The following WDPCP variants were observed in gnomAD, a reference collection of about 807,000 sequenced individuals.
The protein encoded by WDPCP is WD repeat-containing and planar cell polarity effector protein fritz homolog.
Under a neutral mutation model 93.1 loss-of-function variants are expected in WDPCP, and 71 were observed. That is an observed-to-expected ratio of 0.76 (90% confidence interval 0.63 to 0.93). WDPCP has a LOEUF of 0.93. WDPCP is among the 40% of genes least tolerant of loss of function. WDPCP has a pLI of 0.00. For missense variants in WDPCP, 844 were observed against 887.4 expected (o/e 0.95, Z 0.62); for synonymous variants, 315 against 315.0 (o/e 1.00, Z 0.00).
At chr2:63,693,012 T>C (rs763821604) in intron 2 of WDPCP, among the ~76,000 whole-genome samples, 10 of 152,218 alleles carry the variant, frequency 6.6e-5, no homozygotes, top group Non-Finnish European at 1.3e-4. Flanking sequence ...GTAGATACCA[T>C]TATTATCCCC....
chr2:63,588,112 A>G, intron 1 of WDPCP, 85 bp downstream of exon 1: 2 of 1,489,214 alleles, frequency 1.3e-6, no homozygotes, highest in East Asian at 4.9e-5. Flanking sequence ...CGCACAGCGG[A>G]TAAAAGCAAA....
intron 14 of WDPCP, among the ~76,000 whole-genome samples, chr2:63,224,954 G>C (rs764276547): frequency 6.6e-5 from 10 of 151,742 alleles, no homozygotes; most frequent in Non-Finnish European, 1.2e-4. Context: ...CATTCTAGAA[G>C]GGGATGTTGT....
chr2:63,235,192 A>T (rs189001435), intron 14 of WDPCP, among the ~76,000 whole-genome samples: 1 of 152,270 alleles, frequency 6.6e-6, no homozygotes, highest in East Asian at 1.9e-4. Context: ...TATACAAAAG[A>T]TCCTCAGAAA....
intron 12 of WDPCP, among the ~76,000 whole-genome samples, chr2:63,319,424 A>G (rs1686919540): frequency 6.6e-6 from 1 of 152,242 alleles, no homozygotes; most frequent in Non-Finnish European, 1.5e-5. Context: ...TGATCAGACT[A>G]CCATCACTGT....
chr2:63,507,729 G>A (rs528325449), intron 1 of WDPCP, among the ~76,000 whole-genome samples: 1 of 152,038 alleles, frequency 6.6e-6, no homozygotes, highest in Non-Finnish European at 1.5e-5. Context: ...CCAGTTTAGA[G>A]AAGAACATAA....
At chr2:63,565,039 G>A (rs572936691) in intron 1 of WDPCP, among the ~76,000 whole-genome samples, 10 of 152,276 alleles carry the variant, frequency 6.6e-5, no homozygotes, top group Non-Finnish European at 1.2e-4. Context: ...GCCTCCAAAG[G>A]TGCTGGGATT....
chr2:63,214,484 G>A (rs999184245), intron 14 of WDPCP, among the ~76,000 whole-genome samples: 41 of 152,188 alleles, frequency 2.7e-4, no homozygotes, highest in African/African-American at 7.9e-4. Flanking sequence ...AAAATAATAA[G>A]AGCTATTTAT....
At chr2:63,729,470 G>A (rs1244664014) in intron 2 of WDPCP, among the ~76,000 whole-genome samples, 3 of 152,080 alleles carry the variant, frequency 2.0e-5, no homozygotes, top group African/African-American at 7.2e-5. Flanking sequence ...GAAACACATA[G>A]CCCCAGTTAG....
At chr2:63,233,740 G>A (rs1679134236) in intron 14 of WDPCP, among the ~76,000 whole-genome samples, 1 of 152,042 alleles carries the variant, frequency 6.6e-6, no homozygotes, top group Non-Finnish European at 1.5e-5. Context: ...GAATGCACTG[G>A]TTCTGGTCCA....
chr2:63,332,382 C>T (rs1263073370), intron 12 of WDPCP, among the ~76,000 whole-genome samples: 1 of 152,118 alleles, frequency 6.6e-6, no homozygotes, highest in East Asian at 1.9e-4. Flanking sequence ...AGTATATCCA[C>T]ATCCTCCCCA....
At chr2:63,364,548 A>G (rs1690742910) in intron 12 of WDPCP, among the ~76,000 whole-genome samples, 1 of 152,010 alleles carries the variant, frequency 6.6e-6, no homozygotes, top group Non-Finnish European at 1.5e-5. Context: ...CACCTGTCCT[A>G]CCTCTTCCCC....
intron 1 of WDPCP, among the ~76,000 whole-genome samples, chr2:63,522,068 T>C (rs1213632589): frequency 1.3e-5 from 2 of 152,128 alleles, no homozygotes; most frequent in South Asian, 2.1e-4. Context: ...AGTTTTGGGA[T>C]ACATGTATAG....
chr2:63,329,644 A>C (rs909622510), intron 12 of WDPCP, among the ~76,000 whole-genome samples: 3 of 152,108 alleles, frequency 2.0e-5, no homozygotes, highest in African/African-American at 7.2e-5. Flanking sequence ...CCTTCCCCCA[A>C]AGGTCTTTTC....
intron 3 of WDPCP, among the ~76,000 whole-genome samples, chr2:63,602,800 G>C (rs939920100): frequency 5.3e-5 from 8 of 152,050 alleles, no homozygotes; most frequent in Non-Finnish European, 1.2e-4. Context: ...TTTTGAGACT[G>C]GCTCTTTTTC....
At chr2:63,768,307 A>T (rs1012601473) in intron 2 of WDPCP, among the ~76,000 whole-genome samples, 1 of 149,886 alleles carries the variant, frequency 6.7e-6, no homozygotes, top group African/African-American at 2.4e-5. Context: ...ACTATCTTTA[A>T]GTCAGACAGT....
intron 13 of WDPCP, among the ~76,000 whole-genome samples, chr2:63,279,535 C>T (rs1294552438): frequency 6.6e-6 from 1 of 152,068 alleles, no homozygotes; most frequent in Non-Finnish European, 1.5e-5. Flanking sequence ...AAGCATTCCC[C>T]CTGAGAACTG....
At chr2:63,236,081 C>T (rs979169899) in intron 14 of WDPCP, among the ~76,000 whole-genome samples, 4 of 152,128 alleles carry the variant, frequency 2.6e-5, no homozygotes, top group African/African-American at 9.7e-5. Context: ...ATGTAGAAAA[C>T]CCTAAGTACT....
intron 12 of WDPCP, among the ~76,000 whole-genome samples, chr2:63,370,185 C>A (rs1454630155): frequency 6.6e-6 from 1 of 152,132 alleles, no homozygotes; most frequent in Admixed American, 6.5e-5. Context: ...CATCCCTTGG[C>A]AGGAATCTAA....
chr2:63,434,033 A>C, intron 8 of WDPCP, 97 bp from the exon 9 acceptor site: 1 of 1,253,366 alleles, frequency 8.0e-7, no homozygotes, highest in Non-Finnish European at 1.1e-6. Context: ...ATGTAGTTAC[A>C]TGCAAGTAAA....
Sources: allele counts gnomAD v4.1 joint callset (sites outside exome capture counted in the v4.1 genomes callset), GRCh38; gene constraint gnomAD v4.1.1; transcripts MANE v1.5; gene names NCBI Gene and HGNC (gene_info 2026-07-23, HGNC 2026-07-21).